NDUFAF6: variants seen among roughly 807,000 people sequenced by gnomAD.
NDUFAF6 encodes NADH:ubiquinone oxidoreductase complex assembly factor 6.
In NDUFAF6, 45 loss-of-function variants were observed where a neutral mutation model predicts 40.8. The ratio of observed to expected loss-of-function variants is 1.10; its 90% CI spans 0.87 to 1.42. The LOEUF is 1.42. Among genes scored for constraint, NDUFAF6 ranks in the 40% most tolerant of loss-of-function variants. The pLI is 0.00. For synonymous variants in NDUFAF6, 185 were observed against 155.9 expected, an observed-to-expected ratio of 1.19 and a Z score of -1.39; for missense variants, 435 against 418.5, an observed-to-expected ratio of 1.04 and a Z score of -0.34.
At position 95,032,068 on chromosome 8, in the gene NDUFAF6, AG is replaced by A; in HGVS notation, c.274del (p.Ala92ProfsTer20). On this transcript the variant is annotated frameshift_variant, in exon 2 of 9. Coordinates refer to ENST00000396124, the MANE Select transcript of NDUFAF6 (RefSeq NM_152416.4). LOFTEE classifies it high-confidence loss of function. ...ATCCCGAAGCTCTGTTTTTGCACTG[AG>A]GGCCTTTAATGTGGAACTGGCTCAG... ...AESRSSVFALRAFNVELAQVK... is the reference protein window; with the variant it reads ...AESRSSVFALXAFNVELAQVK... The A allele has an allele frequency of 1.2e-6, 2 of 1,614,154 alleles. No individual in the cohort carries two copies. The highest frequency in any genetic ancestry group is 1.7e-6 in the Non-Finnish European group (2 of 1,180,014).
intron 1 of NDUFAF6, among the ~76,000 whole-genome samples, chr8:94,961,605 A>G (rs1395889612): frequency 6.6e-6 from 1 of 152,070 alleles, no homozygotes; most frequent in Non-Finnish European, 1.5e-5. Context: ...TGTAGTTTTT[A>G]GTAGAGACAG....
intron 1 of NDUFAF6, among the ~76,000 whole-genome samples, chr8:94,896,140 C>A (rs574837631): frequency 1.0e-3 from 155 of 152,214 alleles, no homozygotes; most frequent in Non-Finnish European, 1.7e-3. Context: ...AGGGTAAAAC[C>A]CCTCTCCGGA....
At chr8:94,997,343 CAGAG>C (rs60911286) in intron 2 of NDUFAF6, among the ~76,000 whole-genome samples, 1,300 of 90,540 alleles carry the variant, frequency 0.014, 15 homozygotes, top group Middle Eastern at 0.053. Flanking sequence ...CACACACACA[CAGAG>C]AGAGAGAGAG....
downstream of NDUFAF6, among the ~76,000 whole-genome samples, chr8:95,060,407 A>G (rs1342462057): frequency 6.6e-6 from 1 of 152,226 alleles, no homozygotes; most frequent in East Asian, 1.9e-4. Flanking sequence ...ATTATTCTCA[A>G]TGTAGGTAAA....
At chr8:95,024,979 G>T (rs770330438), upstream of NDUFAF6, 1 of 1,298,832 alleles carries the variant, frequency 7.7e-7, no homozygotes, top group Admixed American at 4.1e-5. Flanking sequence ...GCCGACGGCG[G>T]GGGGTCGAAG....
chr8:94,900,620 G>A (rs767006998), intron 1 of NDUFAF6, among the ~76,000 whole-genome samples: 70 of 152,222 alleles, frequency 4.6e-4, no homozygotes, highest in Non-Finnish European at 9.4e-4. Flanking sequence ...AGAAGCTCTG[G>A]GAGGTTGGAG....
At chr8:95,050,556 A>G (rs913864773) in intron 7 of NDUFAF6, among the ~76,000 whole-genome samples, 1 of 152,260 alleles carries the variant, frequency 6.6e-6, no homozygotes, top group Admixed American at 6.5e-5. Flanking sequence ...TTAAAGGGTT[A>G]TTTGGATAAA....
intron 1 of NDUFAF6, among the ~76,000 whole-genome samples, chr8:94,923,740 G>A (rs1479749325): frequency 6.7e-6 from 1 of 148,796 alleles, no homozygotes; most frequent in African/African-American, 2.5e-5. Context: ...AGTGCAGTGA[G>A]GGGATCTTGG....
At chr8:94,914,093 G>T (rs1818962683) in intron 1 of NDUFAF6, among the ~76,000 whole-genome samples, 1 of 145,150 alleles carries the variant, frequency 6.9e-6, no homozygotes. Flanking sequence ...CCCGGCCTGA[G>T]ACCTTATCTC....
upstream of NDUFAF6, among the ~76,000 whole-genome samples, chr8:95,097,277 A>T (rs11778009): frequency 6.6e-6 from 1 of 152,072 alleles, no homozygotes; most frequent in African/African-American, 2.4e-5. Flanking sequence ...AATAACAAAA[A>T]AATAAACTAA....
intron 9 of NDUFAF6, among the ~76,000 whole-genome samples, chr8:95,074,848 C>T (rs1273490947): frequency 6.6e-6 from 1 of 152,148 alleles, no homozygotes; most frequent in Non-Finnish European, 1.5e-5. Context: ...CCTGCCACTG[C>T]CCATTGGAGA....
intron 9 of NDUFAF6, among the ~76,000 whole-genome samples, chr8:95,064,558 T>TGTGTGCGCGCGTGC (rs1304119009): frequency 2.6e-5 from 4 of 151,992 alleles, no homozygotes; most frequent in Non-Finnish European, 5.9e-5. Context: ...TGTGTGTGTG[T>TGTGTGCGCGCGTGC]GTGTGCGCGC....
chr8:94,932,575 G>A lies in NDUFAF6; in HGVS notation c.-935-12908G>A, dbSNP rs530120860. ...TCCCAGCACTTTGGGAGGCTGAGGC[G>A]GGCGGATCGTGAGGTCAGGAGATCA... On this transcript the variant is annotated intron_variant, in intron 1 of 14. Transcript: ENST00000396113. Among the ~76,000 whole-genome samples the A allele has an allele frequency of 1.4e-4, 22 of 152,190 alleles. No homozygotes were observed. In the South Asian group the frequency reaches 2.7e-3, roughly 19 times the overall value.
chr8:94,944,700 AT>A (rs1258348710), intron 1 of NDUFAF6, among the ~76,000 whole-genome samples: 1 of 152,172 alleles, frequency 6.6e-6, no homozygotes, highest in Non-Finnish European at 1.5e-5. Context: ...AGAACACAGA[AT>A]GGAGTTCCTG....
At chr8:95,035,648 T>C in intron 3 of NDUFAF6, 72 bp downstream of exon 3, 1 of 1,393,850 alleles carries the variant, frequency 7.2e-7, no homozygotes, top group Non-Finnish European at 1.0e-6. Context: ...GGATATAATT[T>C]GGGTACTGGT....
intron 1 of NDUFAF6, chr8:94,926,947 G>C (rs906164725): frequency 2.0e-5 from 3 of 152,220 alleles, no homozygotes; most frequent in African/African-American, 7.2e-5. Context: ...GCTGATGGCA[G>C]TGAAACCATC....
intron 9 of NDUFAF6, among the ~76,000 whole-genome samples, chr8:95,069,820 TATATATA>T (rs1832795474): frequency 6.9e-6 from 1 of 145,022 alleles, no homozygotes; most frequent in African/African-American, 2.5e-5. Context: ...TAAATATATA[TATATATA>T]ATATATATGT....
downstream of NDUFAF6, among the ~76,000 whole-genome samples, chr8:95,080,364 T>C (rs1808793233): frequency 6.6e-6 from 1 of 151,784 alleles, no homozygotes; most frequent in Non-Finnish European, 1.5e-5. Context: ...TAGTGTATTT[T>C]TGTAGTGTAT....
At chr8:94,934,157 AAAAC>A (rs1164000919) in intron 1 of NDUFAF6, among the ~76,000 whole-genome samples, 1 of 152,190 alleles carries the variant, frequency 6.6e-6, no homozygotes, top group South Asian at 2.1e-4. Flanking sequence ...CAGAAAAAAA[AAAAC>A]ACAATCTGGA....
Sources: gnomAD v4.1 joint callset for allele counts (sites outside exome capture counted in the v4.1 genomes callset) on GRCh38, gnomAD v4.1.1 for gene constraint, MANE v1.5 for transcripts, NCBI Gene and HGNC (gene_info 2026-07-23, HGNC 2026-07-21) for gene names.